Variants in OTUD7A observed in about 807,000 individuals in gnomAD.
The protein encoded by OTUD7A is OTU deubiquitinase 7A.
In OTUD7A, 12 loss-of-function variants were observed where a neutral mutation model predicts 65.7. The ratio of observed to expected loss-of-function variants is 0.18; its 90% CI spans 0.12 to 0.30. OTUD7A has a LOEUF of 0.30. Among genes scored for constraint, OTUD7A ranks in the 10% least tolerant of loss-of-function variants. OTUD7A has a pLI of 1.00. For synonymous variants in OTUD7A, 641 were observed against 586.3 expected, an observed-to-expected ratio of 1.09 and a Z score of -1.35; for missense variants, 1,148 against 1,304.8, an observed-to-expected ratio of 0.88 and a Z score of 1.85.
At chr15:31,499,972 A>G (rs2041442903) in intron 10 of OTUD7A, among the ~76,000 whole-genome samples, 1 of 152,204 alleles carries the variant, frequency 6.6e-6, no homozygotes, top group Non-Finnish European at 1.5e-5. Context: ...GAAAACACCA[A>G]GCAGCAGTAT....
chr15:31,792,104 C>T (rs928005494), intron 1 of OTUD7A, among the ~76,000 whole-genome samples: 3 of 152,182 alleles, frequency 2.0e-5, no homozygotes, highest in Admixed American at 6.5e-5. Context: ...CAAAGCCCTC[C>T]GCATTTCTCG....
Position 31,503,815 on chromosome 15 carries a change from C to T in OTUD7A, c.897G>A (p.Val299=), listed in dbSNP as rs369868658. The T allele has an allele frequency of 5.0e-6, 8 of 1,614,038 alleles. No homozygotes were observed. Among genetic ancestry groups the T allele is most frequent in the Non-Finnish European group, 6.8e-6 (8 of 1,180,034 alleles). The change falls in exon 9 of 13, where the codon GTG becomes GTA. Residue 299 remains valine, a synonymous_variant. Transcript: ENST00000307050. The part of the protein sequence containing the change: ...FSKNGGTGGG[V]DNSEDPVYES... ...CGTACACGGGGTCCTCAGAGTTGTC[C>T]ACACTGTGAAACAAAACAGAGCCAG...
intron 1 of OTUD7A, among the ~76,000 whole-genome samples, chr15:31,661,173 T>C (rs536121999): frequency 2.0e-5 from 3 of 152,360 alleles, no homozygotes; most frequent in Non-Finnish European, 1.5e-5. Flanking sequence ...AATTTTCTCC[T>C]AGTATGGAAA....
intron 1 of OTUD7A, among the ~76,000 whole-genome samples, chr15:31,713,435 A>G (rs1893500185): frequency 6.6e-6 from 1 of 152,140 alleles, no homozygotes; most frequent in African/African-American, 2.4e-5. Context: ...CTTGGGCAAC[A>G]TGGTGAAACC....
chr15:31,538,018 G>T (rs1365253766), intron 5 of OTUD7A, among the ~76,000 whole-genome samples: 1 of 152,208 alleles, frequency 6.6e-6, no homozygotes, highest in Admixed American at 6.5e-5. Flanking sequence ...GCCCCATGGG[G>T]CAACGTGCAA....
rs560593539 is a variant in OTUD7A at position 31,807,268 on chromosome 15, C to A, written c.-100+63239G>T. Among the ~76,000 whole-genome samples, 3 of 152,236 alleles carry A rather than the reference C, an allele frequency of 2.0e-5. No homozygotes were observed. The East Asian group carries it at 5.8e-4, about 29-fold the overall frequency. ...TGGCTATGGTTCACACTAGATCTCC[C>A]CATTGCTGAGCCCCAAGCTCTTCAC... On this transcript the variant is annotated intron_variant, in intron 1 of 12. Coordinates refer to ENST00000307050, the MANE Select transcript of OTUD7A (RefSeq NM_001382637.1).
intron 8 of OTUD7A, among the ~76,000 whole-genome samples, chr15:31,517,134 G>A (rs1176140878): frequency 6.6e-6 from 1 of 152,198 alleles, no homozygotes; most frequent in East Asian, 1.9e-4. Context: ...AGGCAACCAG[G>A]CATTAGGACA....
At chr15:31,658,441 T>G (rs370240473) in intron 1 of OTUD7A, among the ~76,000 whole-genome samples, 4 of 152,228 alleles carry the variant, frequency 2.6e-5, no homozygotes, top group Admixed American at 2.6e-4. Context: ...TCCGTCTTCT[T>G]TCCCGTATCC....
intron 10 of OTUD7A, among the ~76,000 whole-genome samples, chr15:31,492,618 G>T (rs542126823): frequency 2.0e-5 from 3 of 149,090 alleles, no homozygotes; most frequent in Admixed American, 6.7e-5. Flanking sequence ...ATTAATTAAA[G>T]ATGTTTATTG....
chr15:31,797,289 T>C (rs1895991996), intron 1 of OTUD7A, among the ~76,000 whole-genome samples: 1 of 152,218 alleles, frequency 6.6e-6, no homozygotes, highest in Non-Finnish European at 1.5e-5. Context: ...TGATCTTTTT[T>C]TATGTATCTT....
intron 5 of OTUD7A, among the ~76,000 whole-genome samples, chr15:31,551,614 AATAAG>A (rs1888326507): frequency 1.3e-5 from 2 of 152,236 alleles, no homozygotes; most frequent in South Asian, 2.1e-4. Flanking sequence ...CACACTTTAA[AATAAG>A]ATGTCTTTTT....
chr15:31,729,779 G>A (rs1310684533), intron 1 of OTUD7A, among the ~76,000 whole-genome samples: 1 of 152,116 alleles, frequency 6.6e-6, no homozygotes, highest in Non-Finnish European at 1.5e-5. Flanking sequence ...GGTTGCAGCT[G>A]TAGCCTCCTG....
rs542171888 is a variant in OTUD7A, at chr15:31,578,591, A to G, written c.152-8394T>C. On this transcript the variant is annotated intron_variant, in intron 3 of 12. Transcript: ENST00000307050. Reference sequence around the variant, plus strand: ...TTTTGAGACAGAGTCTCACTTTGTCACCCAGGCTGGAGTGCCGTGGTGCAA... The same window carrying G: ...TTTTGAGACAGAGTCTCACTTTGTCGCCCAGGCTGGAGTGCCGTGGTGCAA... 1.6e-3 allele frequency among the ~76,000 whole-genome samples: 244 copies of G among 150,084 alleles called. 1 individual carries two copies. Among genetic ancestry groups the G allele is most frequent in the African/African-American group, 5.7e-3 (229 of 40,260 alleles).
At chr15:31,802,289 G>C (rs756464589) in intron 1 of OTUD7A, among the ~76,000 whole-genome samples, 16 of 152,100 alleles carry the variant, frequency 1.1e-4, no homozygotes, top group Non-Finnish European at 1.9e-4. Context: ...GTCGAGGGCA[G>C]GAAGCATCCA....
At position 31,625,762 on chromosome 15, in the gene OTUD7A, C is replaced by G. The variant is rs547397911; in HGVS notation, c.151+29334G>C. ...GCCAAAGCCAGAAACCACCCAGATA[C>G]CCATTAAATAGTGATGGATAAAAAA... On this transcript the variant is annotated intron_variant, in intron 3 of 12. Transcript: ENST00000307050. 3.3e-5 allele frequency among the ~76,000 whole-genome samples: 5 copies of G among 152,174 alleles called. No homozygotes were observed. In the South Asian group the frequency reaches 1.0e-3, roughly 32 times the overall value.
intron 1 of OTUD7A, among the ~76,000 whole-genome samples, chr15:31,670,103 G>A (rs1482277309): frequency 6.1e-5 from 9 of 147,858 alleles, no homozygotes; most frequent in Admixed American, 4.7e-4. Flanking sequence ...AAAAATTCAC[G>A]ATGCAAGCCT....
chr15:31,794,782 TAAG>T (rs1180441768), intron 1 of OTUD7A, among the ~76,000 whole-genome samples: 1 of 152,196 alleles, frequency 6.6e-6, no homozygotes, highest in Non-Finnish European at 1.5e-5. Flanking sequence ...GAGCAATTCA[TAAG>T]AAGAGAGCCA....
chr15:31,558,023 T>C (rs1490413403), intron 5 of OTUD7A: 1 of 152,236 alleles, frequency 6.6e-6, no homozygotes, highest in Non-Finnish European at 1.5e-5. Flanking sequence ...TGGAAGGCGA[T>C]GCTTCCCCAC....
intron 10 of OTUD7A, among the ~76,000 whole-genome samples, chr15:31,495,244 T>G (rs1370890869): frequency 6.6e-6 from 1 of 152,200 alleles, no homozygotes; most frequent in African/African-American, 2.4e-5. Flanking sequence ...TTTGGGTCCC[T>G]GAGTTGATGG....
Sources: allele counts gnomAD v4.1 joint callset (sites outside exome capture counted in the v4.1 genomes callset), GRCh38; gene constraint gnomAD v4.1.1; transcripts MANE v1.5; gene names NCBI Gene and HGNC (gene_info 2026-07-23, HGNC 2026-07-21).